PTPRA: variants seen among roughly 807,000 people sequenced by gnomAD.
PTPRA encodes the protein protein tyrosine phosphatase receptor type A.
A neutral mutation model predicts 104.8 loss-of-function variants in PTPRA; 25 were observed. The observed-to-expected ratio is 0.24, with a 90% confidence interval of 0.17 to 0.33. The LOEUF (loss-of-function observed/expected upper bound fraction) is 0.33. PTPRA is among the 10% of genes least tolerant of loss of function. The pLI, the probability that PTPRA is intolerant of heterozygous loss-of-function variation, is 1.00. For missense variants in PTPRA, 765 were observed against 1,015.3 expected, an observed-to-expected ratio of 0.75 and a Z score of 3.35; for synonymous variants, 323 against 368.9, an observed-to-expected ratio of 0.88 and a Z score of 1.43.
chr20:2,984,166 A>G (rs1348028638), intron 6 of PTPRA, among the ~76,000 whole-genome samples: 1 of 152,168 alleles, frequency 6.6e-6, no homozygotes, highest in Non-Finnish European at 1.5e-5. Context: ...CTTACCATTA[A>G]CAAAGAAGCG....
intron 3 of PTPRA, among the ~76,000 whole-genome samples, chr20:2,952,747 A>G (rs972349538): frequency 7.9e-5 from 12 of 152,176 alleles, no homozygotes; most frequent in African/African-American, 2.9e-4. Flanking sequence ...GCCCCTGGCA[A>G]CCATCGTTCT....
At chr20:2,971,456 T>C (rs2062183071) in intron 5 of PTPRA, among the ~76,000 whole-genome samples, 1 of 152,228 alleles carries the variant, frequency 6.6e-6, no homozygotes, top group Non-Finnish European at 1.5e-5. Flanking sequence ...TCTCTTAGTA[T>C]TGGAAGTAAT....
intron 6 of PTPRA, among the ~76,000 whole-genome samples, chr20:2,979,362 T>G (rs1409633214): frequency 6.6e-6 from 1 of 152,236 alleles, no homozygotes; most frequent in Non-Finnish European, 1.5e-5. Context: ...GACTCTCCTG[T>G]TGCACAGGTA....
chr20:2,949,624 T>G (rs1318465151), intron 3 of PTPRA, among the ~76,000 whole-genome samples: 4 of 152,086 alleles, frequency 2.6e-5, no homozygotes, highest in Non-Finnish European at 1.5e-5. Context: ...GGCAGACTTT[T>G]CATACAATAC....
At chr20:2,953,472 C>T (rs2061421878) in intron 3 of PTPRA, among the ~76,000 whole-genome samples, 1 of 151,964 alleles carries the variant, frequency 6.6e-6, no homozygotes, top group Non-Finnish European at 1.5e-5. Context: ...TCAGGATGGT[C>T]TCGATCTCCG....
intron 6 of PTPRA, among the ~76,000 whole-genome samples, chr20:2,984,669 C>T (rs753977444): frequency 1.3e-5 from 2 of 152,198 alleles, no homozygotes; most frequent in Non-Finnish European, 2.9e-5. Flanking sequence ...ATTAAATCCA[C>T]AATCATTACA....
At chr20:3,020,804 G>C (rs2064829151) in intron 13 of PTPRA, among the ~76,000 whole-genome samples, 1 of 152,226 alleles carries the variant, frequency 6.6e-6, no homozygotes, top group Admixed American at 6.5e-5. Flanking sequence ...CTGGGCTTTA[G>C]GTTAGTTTCC....
chr20:2,911,771 A>G (rs983275515), intron 1 of PTPRA, among the ~76,000 whole-genome samples: 1 of 152,124 alleles, frequency 6.6e-6, no homozygotes, highest in African/African-American at 2.4e-5. Context: ...GGGTGGGAGT[A>G]TGGGTAGATA....
At chr20:2,900,872 A>AG (rs1041016196) in intron 1 of PTPRA, among the ~76,000 whole-genome samples, 7 of 151,562 alleles carry the variant, frequency 4.6e-5, no homozygotes, top group African/African-American at 1.5e-4. Flanking sequence ...AAAAAAAAAA[A>AG]TAGCTTCTCC....
At chr20:2,866,193 C>T in the PTPRA span, 1 of 1,612,592 alleles carries the variant, frequency 6.2e-7, no homozygotes, top group Non-Finnish European at 8.5e-7. Context: ...CTCCCTCCAC[C>T]CGCTTCCTCT....
chr20:2,942,739 T>G (rs1476380494), intron 2 of PTPRA, among the ~76,000 whole-genome samples: 1 of 150,594 alleles, frequency 6.6e-6, no homozygotes, highest in Non-Finnish European at 1.5e-5. Context: ...ATATTTAATA[T>G]AATTAATATA....
At chr20:2,909,988 C>G (rs1322591938) in intron 1 of PTPRA, among the ~76,000 whole-genome samples, 1 of 96,458 alleles carries the variant, frequency 1.0e-5, no homozygotes, top group African/African-American at 5.0e-5. Context: ...TATCATATAT[C>G]ATATATATAA....
At chr20:3,021,947 A>C in intron 14 of PTPRA, 107 bp from the exon 15 acceptor site, 1 of 1,397,066 alleles carries the variant, frequency 7.2e-7, no homozygotes, top group Non-Finnish European at 9.8e-7. Flanking sequence ...CCCTGGGTAC[A>C]CTTACTTTTC....
intron 17 of PTPRA, among the ~76,000 whole-genome samples, chr20:3,025,119 TC>T (rs950335885): frequency 6.6e-6 from 1 of 152,186 alleles, no homozygotes; most frequent in Non-Finnish European, 1.5e-5. Flanking sequence ...AGACAATGGT[TC>T]TCAACACACC....
At chr20:2,977,230 C>G (rs1271331732) in intron 6 of PTPRA, among the ~76,000 whole-genome samples, 2 of 149,954 alleles carry the variant, frequency 1.3e-5, no homozygotes, top group Non-Finnish European at 1.5e-5. Flanking sequence ...GAGCCAAGAT[C>G]GCGCTCTTGG....
intron 1 of PTPRA, among the ~76,000 whole-genome samples, chr20:2,898,376 G>A (rs1204351381): frequency 6.6e-6 from 1 of 151,552 alleles, no homozygotes; most frequent in African/African-American, 2.4e-5. Context: ...CACCGCGCCT[G>A]GCAATTTTTC....
chr20:2,944,526 A>G (rs1429544393), intron 2 of PTPRA, among the ~76,000 whole-genome samples: 1 of 152,204 alleles, frequency 6.6e-6, no homozygotes, highest in East Asian at 1.9e-4. Flanking sequence ...ATAGAGCCAA[A>G]TGACAGCTGT....
intron 3 of PTPRA, among the ~76,000 whole-genome samples, chr20:2,949,013 C>T (rs2061258482): frequency 6.6e-6 from 1 of 152,024 alleles, no homozygotes; most frequent in African/African-American, 2.4e-5. Context: ...TCTCTCTTTG[C>T]CTGTGATCTT....
chr20:3,033,634 G>C (rs1331836144), intron 20 of PTPRA, among the ~76,000 whole-genome samples: 2 of 152,154 alleles, frequency 1.3e-5, no homozygotes, highest in African/African-American at 4.8e-5. Flanking sequence ...AGGTGCGGCA[G>C]CTCACGCCTG....
Sources: allele counts gnomAD v4.1 joint callset (sites outside exome capture counted in the v4.1 genomes callset), GRCh38; gene constraint gnomAD v4.1.1; transcripts MANE v1.5; gene names NCBI Gene and HGNC (gene_info 2026-07-23, HGNC 2026-07-21).